The following ADARB2 variants were observed in gnomAD, a reference collection of about 807,000 sequenced individuals.
ADARB2 encodes the protein inactive double-stranded RNA-specific editase B2.
In ADARB2, 25 loss-of-function variants were observed where a neutral mutation model predicts 62.2. The ratio of observed to expected loss-of-function variants is 0.40; its 90% CI spans 0.29 to 0.56. The LOEUF (loss-of-function observed/expected upper bound fraction) is 0.56, where lower values mean the gene tolerates loss of function less well. Among genes scored for constraint, ADARB2 ranks in the 20% least tolerant of loss-of-function variants. The probability of loss-of-function intolerance (pLI) is 0.43; values close to 1 mark genes in which losing one functional copy is unlikely to be tolerated. For missense variants in ADARB2, 1,071 were observed against 1,077.4 expected, an observed-to-expected ratio of 0.99 and a Z score of 0.08; for synonymous variants, 572 against 500.8, an observed-to-expected ratio of 1.14 and a Z score of -1.90.
intron 1 of ADARB2, among the ~76,000 whole-genome samples, chr10:1,472,073 A>C (rs1168476459): frequency 6.6e-6 from 1 of 152,172 alleles, no homozygotes; most frequent in Non-Finnish European, 1.5e-5. Context: ...TTCAACAAGC[A>C]CATTGAGCCT....
chr10:1,194,850 A>G (rs998624868), intron 8 of ADARB2, among the ~76,000 whole-genome samples: 3 of 152,098 alleles, frequency 2.0e-5, no homozygotes, highest in Admixed American at 1.3e-4. Context: ...TGAAACTCCA[A>G]CTGGAGTGTC....
chr10:1,706,316 A>C (rs1363281140), intron 1 of ADARB2, among the ~76,000 whole-genome samples: 4 of 152,224 alleles, frequency 2.6e-5, no homozygotes, highest in African/African-American at 4.8e-5. Context: ...CCATGCATGA[A>C]AAATGGTGAG....
intron 1 of ADARB2, among the ~76,000 whole-genome samples, chr10:1,596,765 G>A (rs1392294605): frequency 3.9e-5 from 6 of 152,222 alleles, no homozygotes; most frequent in African/African-American, 4.8e-5. Context: ...TGTGGGGTCC[G>A]TGGGGTCTAG....
At chr10:1,356,961 C>T (rs557915584) in intron 3 of ADARB2, among the ~76,000 whole-genome samples, 42 of 152,340 alleles carry the variant, frequency 2.8e-4, no homozygotes, top group Admixed American at 7.2e-4. Flanking sequence ...ACAGAAATGA[C>T]GTTCGTTTTA....
At chr10:1,619,096 G>A (rs1279481445) in intron 1 of ADARB2, among the ~76,000 whole-genome samples, 5 of 152,272 alleles carry the variant, frequency 3.3e-5, no homozygotes, top group African/African-American at 7.2e-5. Context: ...TTGAGAAGGC[G>A]AGAGACATGT....
intron 2 of ADARB2, among the ~76,000 whole-genome samples, chr10:1,370,837 T>C (rs927018075): frequency 2.6e-5 from 4 of 152,358 alleles, no homozygotes; most frequent in African/African-American, 9.6e-5. Flanking sequence ...CCCATGCTCA[T>C]GGATTGGAAG....
At chr10:1,280,803 C>T (rs1255523966) in intron 3 of ADARB2, among the ~76,000 whole-genome samples, 3 of 152,230 alleles carry the variant, frequency 2.0e-5, no homozygotes, top group Non-Finnish European at 2.9e-5. Context: ...CCGTGTTTGC[C>T]TCCTAGGCTC....
chr10:1,590,579 G>T (rs12268451), intron 1 of ADARB2, among the ~76,000 whole-genome samples: 6,014 of 152,238 alleles, frequency 0.04, 426 homozygotes, highest in African/African-American at 0.13. Context: ...CCCTCTGGCC[G>T]TTAGACGAGA....
At position 1,179,943 on chromosome 10, in the gene ADARB2, C is replaced by T. The variant is rs1169581748; in HGVS notation, c.*3250G>A. The T allele has an allele frequency of 1.3e-5, 2 of 151,998 alleles. No individual in the cohort carries two copies. Among genetic ancestry groups the T allele is most frequent in the East Asian group, 1.9e-4 (1 of 5,194 alleles). 9.4% of individuals were successfully genotyped at this position (151,998 alleles called of 1,614,324 possible). Reference sequence around the variant, plus strand: ...TGACCCATCCCCTACTTGTGTCGTGCCCAGCGTATTTTCAGGGTGACAGAA... The same window carrying T: ...TGACCCATCCCCTACTTGTGTCGTGTCCAGCGTATTTTCAGGGTGACAGAA... On this transcript the variant is annotated 3_prime_UTR_variant, in exon 10 of 10. Coordinates refer to ENST00000381312, the MANE Select transcript of ADARB2 (RefSeq NM_018702.4).
intron 3 of ADARB2, among the ~76,000 whole-genome samples, chr10:1,333,807 A>G (rs1332443532): frequency 1.3e-5 from 2 of 152,192 alleles, no homozygotes; most frequent in Admixed American, 1.3e-4. Flanking sequence ...GGTTCATCCA[A>G]CTTACCTGTA....
intron 1 of ADARB2, among the ~76,000 whole-genome samples, chr10:1,698,772 A>T (rs1050161591): frequency 1.8e-4 from 27 of 152,150 alleles, no homozygotes; most frequent in African/African-American, 6.0e-4. Flanking sequence ...TATTATTATT[A>T]TTTTTTAAAT....
chr10:1,235,158 A>G (rs555758364), intron 5 of ADARB2, among the ~76,000 whole-genome samples: 1 of 150,492 alleles, frequency 6.6e-6, no homozygotes, highest in East Asian at 2.0e-4. Flanking sequence ...GCCATACCTC[A>G]CAGTGGACTG....
chr10:1,242,068 T>G, intron 5 of ADARB2, 63 bp downstream of exon 5: 1 of 1,510,668 alleles, frequency 6.6e-7, no homozygotes. Context: ...GGGCCCCATC[T>G]GCTCCCTGGC....
At chr10:1,224,179 C>G (rs1231307441) in intron 6 of ADARB2, among the ~76,000 whole-genome samples, 1 of 152,096 alleles carries the variant, frequency 6.6e-6, no homozygotes, top group Non-Finnish European at 1.5e-5. Flanking sequence ...AGGAATTTAT[C>G]CATTTCTTCT....
chr10:1,492,715 G>A (rs1588276579), intron 1 of ADARB2, among the ~76,000 whole-genome samples: 1 of 152,090 alleles, frequency 6.6e-6, no homozygotes, highest in East Asian at 1.9e-4. Flanking sequence ...AGTGTCCCGG[G>A]TGCTGGGGGA....
chr10:1,192,898 G>A (rs551122429), intron 8 of ADARB2, among the ~76,000 whole-genome samples: 8 of 152,252 alleles, frequency 5.3e-5, no homozygotes, highest in Non-Finnish European at 1.0e-4. Flanking sequence ...AGCCGAGATC[G>A]CGCCACTGCA....
At chr10:1,324,612 C>A (rs1831826319) in intron 3 of ADARB2, among the ~76,000 whole-genome samples, 1 of 152,128 alleles carries the variant, frequency 6.6e-6, no homozygotes, top group Admixed American at 6.5e-5. Context: ...AAGAATTATG[C>A]TGAGTGAAAA....
chr10:1,468,665 G>A (rs1284955380), intron 1 of ADARB2, among the ~76,000 whole-genome samples: 1 of 152,218 alleles, frequency 6.6e-6, no homozygotes, highest in Non-Finnish European at 1.5e-5. Context: ...CCCCCAGCAA[G>A]CAGCAGCGCT....
At chr10:1,692,828 A>G (rs1293935644) in intron 1 of ADARB2, among the ~76,000 whole-genome samples, 1 of 152,222 alleles carries the variant, frequency 6.6e-6, no homozygotes, top group African/African-American at 2.4e-5. Context: ...GCCAGGACAG[A>G]ATTGAAGTCT....
Sources: allele counts gnomAD v4.1 joint callset (sites outside exome capture counted in the v4.1 genomes callset), GRCh38; gene constraint gnomAD v4.1.1; transcripts MANE v1.5; gene names NCBI Gene and HGNC (gene_info 2026-07-23, HGNC 2026-07-21).